The following ATRN variants were observed in gnomAD, a reference collection of about 807,000 sequenced individuals.
The protein encoded by ATRN is attractin-2.
A neutral mutation model predicts 178.7 loss-of-function variants in ATRN; 54 were observed. The ratio of observed to expected loss-of-function variants is 0.30; its 90% CI spans 0.24 to 0.38. The LOEUF is 0.38. Ranked by LOEUF, ATRN falls within the 10% of genes least tolerant of loss-of-function variation. The probability of loss-of-function intolerance (pLI) is 1.00; values close to 1 mark genes in which losing one functional copy is unlikely to be tolerated. For missense variants in ATRN, 1,443 were observed against 1,815.1 expected (o/e 0.79, Z 3.73); for synonymous variants, 636 against 663.0 (o/e 0.96, Z 0.63).
chr20:3,603,783 C>T (rs992884925), intron 23 of ATRN, among the ~76,000 whole-genome samples: 5 of 151,996 alleles, frequency 3.3e-5, no homozygotes, highest in African/African-American at 1.2e-4. Flanking sequence ...CCACCGCACC[C>T]GGCCAGTAAA....
chr20:3,620,183 G>A (rs912381429), intron 24 of ATRN, among the ~76,000 whole-genome samples: 2 of 151,870 alleles, frequency 1.3e-5, no homozygotes, highest in African/African-American at 4.8e-5. Context: ...TTCCTGAAAT[G>A]CTAAAGAAAT....
intron 1 of ATRN, among the ~76,000 whole-genome samples, chr20:3,473,873 A>G (rs562590901): frequency 1.2e-3 from 184 of 152,298 alleles, no homozygotes; most frequent in Non-Finnish European, 2.3e-3. Flanking sequence ...GAGAGCTTGT[A>G]GAGGTGAAAT....
At chr20:3,615,836 T>C (rs1365162364) in intron 24 of ATRN, 2 of 454,056 alleles carry the variant, frequency 4.4e-6, no homozygotes, top group Admixed American at 4.7e-5. Flanking sequence ...AGGTGCAAAC[T>C]GAACAATGAG....
At chr20:3,554,277 T>C (rs1459976020) in intron 6 of ATRN, among the ~76,000 whole-genome samples, 2 of 151,752 alleles carry the variant, frequency 1.3e-5, no homozygotes, top group East Asian at 3.9e-4. Flanking sequence ...ATTTTAGAAG[T>C]AGTGTTTCTG....
Position 3,526,253 on chromosome 20 carries a change from A to G in ATRN, c.411-9000A>G, listed in dbSNP as rs575029962. Among the ~76,000 whole-genome samples, 31 of 152,320 alleles carry G rather than the reference A, an allele frequency of 2.0e-4. No homozygotes were observed. In the East Asian group the frequency reaches 2.1e-3, roughly 10 times the overall value. On this transcript the variant is annotated intron_variant, in intron 1 of 28. Transcript: ENST00000262919. ...AAATCACAAGCATTCCTATACATCA[A>G]TAATAGACTGTGCAAAAATTACAAG...
chr20:3,555,754 C>G (rs1284865820), intron 6 of ATRN, among the ~76,000 whole-genome samples: 1 of 152,194 alleles, frequency 6.6e-6, no homozygotes, highest in Non-Finnish European at 1.5e-5. Context: ...TGAGAAATCA[C>G]CCACACTTTG....
chr20:3,539,733 T>A (rs1027303669), intron 2 of ATRN, among the ~76,000 whole-genome samples: 2 of 152,114 alleles, frequency 1.3e-5, no homozygotes, highest in African/African-American at 4.8e-5. Context: ...CAGCTTAGTT[T>A]TGTTTTTTTT....
At chr20:3,595,889 A>G (rs1269968222) in intron 20 of ATRN, among the ~76,000 whole-genome samples, 1 of 152,182 alleles carries the variant, frequency 6.6e-6, no homozygotes, top group Non-Finnish European at 1.5e-5. Flanking sequence ...TGAGTAGAAC[A>G]TATTTTTTTT....
At chr20:3,540,911 T>G (rs2085609820) in intron 3 of ATRN, among the ~76,000 whole-genome samples, 1 of 152,138 alleles carries the variant, frequency 6.6e-6, no homozygotes, top group South Asian at 2.1e-4. Context: ...TACATTTACA[T>G]TAGTAGTTAA....
chr20:3,585,295 G>A (rs1011313306), intron 18 of ATRN, among the ~76,000 whole-genome samples: 1 of 152,052 alleles, frequency 6.6e-6, no homozygotes, highest in African/African-American at 2.4e-5. Context: ...AAGCTAAAAG[G>A]GCAGAGACAG....
chr20:3,496,160 G>T (rs947391009), intron 1 of ATRN, among the ~76,000 whole-genome samples: 2 of 151,490 alleles, frequency 1.3e-5, no homozygotes, highest in African/African-American at 4.9e-5. Flanking sequence ...CTTCAGTTCT[G>T]CTCTGATTTT....
chr20:3,645,395 T>A lies in ATRN; in HGVS notation c.4165+1127T>A, dbSNP rs2087099918. On this transcript the variant is annotated intron_variant, in intron 28 of 28. Transcript: ENST00000262919. This position sits in a 1 kb window ranked among gnomAD's most constrained non-coding sequence, Gnocchi z 4.7. ...TAGGGATTCCTGTGAGTTGAGCCCCTAACTCGGCCTTGCCTGTGTTGAGGA... is the reference window on the plus strand; with the variant it reads ...TAGGGATTCCTGTGAGTTGAGCCCCAAACTCGGCCTTGCCTGTGTTGAGGA... Among the ~76,000 whole-genome samples the A allele has an allele frequency of 6.6e-6, 1 of 152,230 alleles. No homozygotes were observed. Among genetic ancestry groups the A allele is most frequent in the Admixed American group, 6.5e-5 (1 of 15,290 alleles).
At chr20:3,554,039 C>T (rs966905079) in intron 6 of ATRN, among the ~76,000 whole-genome samples, 5 of 152,074 alleles carry the variant, frequency 3.3e-5, no homozygotes, top group Non-Finnish European at 1.5e-5. Context: ...ATCAGATAAA[C>T]GGGGGAGTAA....
chr20:3,627,429 T>C (rs1275914586), intron 25 of ATRN, among the ~76,000 whole-genome samples: 1 of 152,108 alleles, frequency 6.6e-6, no homozygotes, highest in African/African-American at 2.4e-5. Context: ...TAATTAAACC[T>C]AAAGAAGTAG....
chr20:3,490,305 G>T, intron 1 of ATRN: 1 of 1,042,146 alleles, frequency 9.6e-7, no homozygotes, highest in Non-Finnish European at 1.5e-6. Flanking sequence ...GCTCCAGCAT[G>T]GGTCAGAGCG....
intron 18 of ATRN, among the ~76,000 whole-genome samples, chr20:3,590,403 A>G (rs186244956): frequency 7.2e-5 from 11 of 152,356 alleles, no homozygotes; most frequent in East Asian, 3.9e-4. Context: ...CAGGTTGTGC[A>G]CTATGTAAAT....
intron 1 of ATRN, among the ~76,000 whole-genome samples, chr20:3,475,157 A>G (rs1270185759): frequency 1.3e-5 from 2 of 152,184 alleles, no homozygotes; most frequent in African/African-American, 4.8e-5. Context: ...ATTAAAAGAC[A>G]TTAAATGAAT....
intron 11 of ATRN, among the ~76,000 whole-genome samples, chr20:3,570,828 A>G (rs886478716): frequency 1.3e-5 from 2 of 152,214 alleles, no homozygotes; most frequent in Non-Finnish European, 2.9e-5. Context: ...GTTTTTAAAT[A>G]CGCACAATCT....
chr20:3,550,067 C>G (rs2085764840), intron 6 of ATRN, among the ~76,000 whole-genome samples: 1 of 152,184 alleles, frequency 6.6e-6, no homozygotes, highest in South Asian at 2.1e-4. Context: ...GTGGCTCACG[C>G]CTATAACCCC....
Sources: allele counts gnomAD v4.1 joint callset (sites outside exome capture counted in the v4.1 genomes callset), GRCh38; gene constraint gnomAD v4.1.1; non-coding constraint Gnocchi (gnomAD v3.1); transcripts MANE v1.5; gene names NCBI Gene and HGNC (gene_info 2026-07-23, HGNC 2026-07-21).